The following PSMD9 variants were observed in gnomAD, a reference collection of about 807,000 sequenced individuals.
The protein encoded by PSMD9 is proteasome 26S subunit, non-ATPase 9.
A neutral mutation model predicts 25.9 loss-of-function variants in PSMD9; 26 were observed. The ratio of observed to expected loss-of-function variants is 1.00; its 90% CI spans 0.73 to 1.39. The LOEUF is 1.39. Among genes scored for constraint, PSMD9 ranks in the 40% most tolerant of loss-of-function variants. PSMD9 has a pLI of 0.00. For synonymous variants in PSMD9, 110 were observed against 114.5 expected (o/e 0.96, Z 0.25); for missense variants, 303 against 299.3 (o/e 1.01, Z -0.09).
chr12:121,897,868 A>C (rs1483733702), intron 2 of PSMD9: 2 of 152,176 alleles, frequency 1.3e-5, no homozygotes, highest in Non-Finnish European at 2.9e-5. Flanking sequence ...ATAATTGCAA[A>C]TTTGTTTTTT....
intron 4 of PSMD9, chr12:121,914,217 T>C (rs1229939870): frequency 2.6e-5 from 4 of 152,068 alleles, no homozygotes; most frequent in African/African-American, 9.7e-5. Flanking sequence ...TTTTTTGGTA[T>C]GTACTCCCCC....
rs1879969095 is a variant in PSMD9 at position 121,917,834 on chromosome 12, C to CA, written c.*1524dup. On this transcript the variant is annotated 3_prime_UTR_variant, in exon 6 of 6. Transcript: ENST00000541212. ...TTTTCCAGTCTCTTTTATAAAGTCT[C>CA]AGACTATAATAAACACAGCTTGCCC... The CA allele has an allele frequency of 6.6e-6, 1 of 152,216 alleles. No individual in the cohort carries two copies. The highest frequency in any genetic ancestry group is 2.1e-4 in the South Asian group (1 of 4,836). The allele number at this position is 152,216 out of a possible 1,614,324, so 9.4% of individuals were successfully genotyped here.
intron 4 of PSMD9, 67 bp downstream of exon 4, chr12:121,903,174 G>T (rs1879451238): frequency 7.4e-7 from 1 of 1,357,224 alleles, no homozygotes. Context: ...AGACTGCGTG[G>T]CTTACAAACA....
At chr12:121,894,395 G>A (rs999044161) in intron 1 of PSMD9, 2 of 213,514 alleles carry the variant, frequency 9.4e-6, no homozygotes, top group Non-Finnish European at 1.9e-5. Context: ...CCAGCAGCCA[G>A]GTGTCAGCCA....
intron 2 of PSMD9, among the ~76,000 whole-genome samples, chr12:121,896,922 T>C (rs1269009500): frequency 6.6e-6 from 1 of 151,974 alleles, no homozygotes; most frequent in East Asian, 1.9e-4. Context: ...CCCGTGTTGT[T>C]AACAGCATAT....
rs536076335 is a variant in PSMD9 at position 121,913,227 on chromosome 12, A to C, written c.556-2629A>C. 6.2e-3 allele frequency among the ~76,000 whole-genome samples: 947 copies of C among 151,646 alleles called. 6 individuals are homozygous for C. Among genetic ancestry groups the C allele is most frequent in the African/African-American group, 0.016 (669 of 41,402 alleles). ...CCAAAGTGCTGGGATTACAGGCGTG[A>C]GCCACCGCGCCTGGCCTTTTTTTTT... On this transcript the variant is annotated intron_variant, in intron 4 of 5. Transcript: ENST00000541212.
At chr12:121,898,414 G>A (rs951441264) in intron 2 of PSMD9, 1 of 152,224 alleles carries the variant, frequency 6.6e-6, no homozygotes, top group Non-Finnish European at 1.5e-5. Context: ...AGATTTTGTA[G>A]CATTGGGTCT....
At chr12:121,894,669 G>A in intron 1 of PSMD9, 70 bp from the exon 2 acceptor site, 1 of 1,307,122 alleles carries the variant, frequency 7.7e-7, no homozygotes, top group Non-Finnish European at 1.1e-6. Flanking sequence ...CAGAGGAGAA[G>A]GGTCTGGGGA....
chr12:121,891,373 G>C (rs1202767084), intron 1 of PSMD9, among the ~76,000 whole-genome samples: 7 of 148,384 alleles, frequency 4.7e-5, no homozygotes, highest in Non-Finnish European at 1.0e-4. Context: ...GGCCGAGGCG[G>C]GCGGATCACG....
chr12:121,904,327 C>T (rs1879489365), intron 4 of PSMD9, among the ~76,000 whole-genome samples: 2 of 148,616 alleles, frequency 1.3e-5, no homozygotes, highest in African/African-American at 5.1e-5. Context: ...GTAATCCCAG[C>T]ACTTTAGGAG....
At chr12:121,904,884 G>A (rs1233553124) in intron 4 of PSMD9, among the ~76,000 whole-genome samples, 1 of 151,208 alleles carries the variant, frequency 6.6e-6, no homozygotes, top group South Asian at 2.1e-4. Flanking sequence ...TCTCAAACTG[G>A]CCTCCCAAAG....
Position 121,915,447 on chromosome 12 carries a change from A to G in PSMD9, c.556-409A>G, listed in dbSNP as rs74792209. 7.7e-4 allele frequency: 128 copies of G among 166,260 alleles called. 3 individuals are homozygous for G. In the East Asian group the frequency reaches 0.019, roughly 25 times the overall value. 10.3% of individuals were successfully genotyped at this position (166,260 alleles called of 1,614,324 possible). A position where few individuals can be genotyped will look rare whatever the true frequency, so the allele number is the denominator to read the frequency against. On this transcript the variant is annotated intron_variant, in intron 4 of 5. Transcript: ENST00000541212. ...ATTTGAACAATACCTATTGATGGAC[A>G]TTTCTGGTGTTTTCAGTTTTTGAAT...
chr12:121,902,797 G>T lies in PSMD9; in HGVS notation c.454-209G>T, dbSNP rs145533615. On this transcript the variant is annotated intron_variant, in intron 3 of 5. Coordinates refer to ENST00000541212, the MANE Select transcript of PSMD9 (RefSeq NM_002813.7). ...AGACCTGGTCATCTTTACTAGAGCT[G>T]CCCTCAAAGGAACCCCAGGAGGAGG... 2.0e-5 allele frequency: 10 copies of T among 508,186 alleles called. No individual in the cohort carries two copies. The East Asian group carries it at 3.6e-4, about 18-fold the overall frequency. 31.5% of individuals were successfully genotyped at this position (508,186 alleles called of 1,614,324 possible).
chr12:121,899,552 G>T lies in PSMD9; in HGVS notation c.242-82G>T, dbSNP rs931974729. On this transcript the variant is annotated intron_variant, in intron 2 of 5. Transcript: ENST00000541212. ...CACATCTGGCATGTAATAAGCACTT[G>T]TTAACTCTTCAGTGAATAAATGTAG... 4 of 1,329,946 alleles carry T rather than the reference G, an allele frequency of 3.0e-6. No individual in the cohort carries two copies. In the African/African-American group the frequency reaches 4.4e-5, roughly 15 times the overall value. The allele number at this position is 1,329,946 out of a possible 1,614,324, so 82.4% of individuals were successfully genotyped here. A position where few individuals can be genotyped will look rare whatever the true frequency, so the allele number is the denominator to read the frequency against.
At chr12:121,896,165 C>CT (rs1338610956) in intron 2 of PSMD9, among the ~76,000 whole-genome samples, 2 of 151,838 alleles carry the variant, frequency 1.3e-5, no homozygotes, top group Non-Finnish European at 2.9e-5. Flanking sequence ...CCTTATTGGT[C>CT]TTTTTTTGAA....
At position 121,895,692 on chromosome 12, in the gene PSMD9, TCTCA is replaced by T. The variant is rs545929406; in HGVS notation, c.241+855_241+858del. On this transcript the variant is annotated intron_variant, in intron 2 of 5. Transcript: ENST00000541212. ...CTGATTCTGTCATAACATCTCTTTCTCTCACTCTCCTGCCTCCCTCTTTCACCTA... is the reference window on the plus strand; with the variant it reads ...CTGATTCTGTCATAACATCTCTTTCTCTCTCCTGCCTCCCTCTTTCACCTA... Among the ~76,000 whole-genome samples, 11 of 152,306 alleles carry T rather than the reference TCTCA, an allele frequency of 7.2e-5. No individual in the cohort carries two copies. The South Asian group carries it at 2.3e-3, about 32-fold the overall frequency.
At chr12:121,900,170 A>C (rs909218494) in intron 3 of PSMD9, among the ~76,000 whole-genome samples, 1 of 152,148 alleles carries the variant, frequency 6.6e-6, no homozygotes, top group African/African-American at 2.4e-5. Context: ...TGAAAATGAG[A>C]ATGGCATCTT....
chr12:121,903,161 C>A, intron 4 of PSMD9, 54 bp downstream of exon 4: 1 of 1,435,232 alleles, frequency 7.0e-7, no homozygotes, highest in South Asian at 1.1e-5. Flanking sequence ...AACAGTATGC[C>A]ATAGACTGCG....
intron 2 of PSMD9, among the ~76,000 whole-genome samples, chr12:121,895,705 C>T (rs1879210109): frequency 1.3e-5 from 2 of 152,196 alleles, no homozygotes; most frequent in African/African-American, 4.8e-5. Context: ...CACTCTCCTG[C>T]CTCCCTCTTT....
Sources: allele counts gnomAD v4.1 joint callset (sites outside exome capture counted in the v4.1 genomes callset), GRCh38; gene constraint gnomAD v4.1.1; transcripts MANE v1.5; gene names NCBI Gene and HGNC (gene_info 2026-07-23, HGNC 2026-07-21).